Variants in TFB1M observed in about 807,000 individuals in gnomAD.
TFB1M encodes transcription factor B1, mitochondrial, also known as dimethyladenosine transferase 1, mitochondrial.
In TFB1M, 27 loss-of-function variants were observed where a neutral mutation model predicts 31.1. The observed-to-expected ratio is 0.87, with a 90% CI of 0.64 to 1.20. The LOEUF (loss-of-function observed/expected upper bound fraction) is 1.20, where lower values mean the gene tolerates loss of function less well. Ranked by LOEUF, TFB1M falls within the 50% of genes most tolerant of loss-of-function variation. TFB1M has a pLI of 0.00. For synonymous variants in TFB1M, 166 were observed against 151.8 expected (o/e 1.09, Z -0.69); for missense variants, 394 against 418.7 (o/e 0.94, Z 0.51).
chr6:155,240,213 T>A, the TFB1M span, among the ~76,000 whole-genome samples: 292 of 152,378 alleles, frequency 1.9e-3, 3 homozygotes, highest in African/African-American at 6.9e-3. Context: ...ATTTCAGAGC[T>A]ACCTCACCTT....
Position 155,257,244 on chromosome 6 carries a change from T to C in TFB1M, c.*592A>G, listed in dbSNP as rs1003349783. On this transcript the variant is annotated 3_prime_UTR_variant, in exon 7 of 7. Coordinates refer to ENST00000367166, the MANE Select transcript of TFB1M (RefSeq NM_016020.4). ...TTCCTGGGTTTTGTGCAGTATACAT[T>C]TTCCCACAAAATGGTTGTAAAGATT... 3 of 1,090,950 alleles carry C rather than the reference T, an allele frequency of 2.7e-6. No homozygotes were observed. 67.6% of individuals were successfully genotyped at this position (1,090,950 alleles called of 1,614,324 possible).
At chr6:155,279,971 G>T (rs74386168) in intron 5 of TFB1M, among the ~76,000 whole-genome samples, 1,857 of 151,476 alleles carry the variant, frequency 0.012, 34 homozygotes, top group Non-Finnish European at 0.015. Flanking sequence ...TTTTTATTTT[G>T]GACTCAAGGG....
chr6:155,294,197 CA>C (rs1300527547), intron 4 of TFB1M, among the ~76,000 whole-genome samples: 1 of 152,122 alleles, frequency 6.6e-6, no homozygotes, highest in Non-Finnish European at 1.5e-5. Flanking sequence ...ACACAGAGAT[CA>C]AACCCGAGTG....
chr6:155,260,371 G>C lies in TFB1M; in HGVS notation c.696C>G (p.Pro232=), dbSNP rs939950445. The C allele has an allele frequency of 1.9e-6, 3 of 1,614,100 alleles. No homozygotes were observed. The Admixed American group carries it at 5.0e-5, about 27-fold the overall frequency. The change falls in exon 6 of 7, where the codon CCC becomes CCG. Residue 232 remains proline (P), a synonymous_variant. Coordinates refer to ENST00000367166, the MANE Select transcript of TFB1M (RefSeq NM_016020.4). ...GCTGCTCTATCTTGGGCTGTATCAA[G>C]GGAGTGAAGTGCACCACGCCCACGT... The part of the protein sequence containing the change: ...EVDVGVVHFT[P]LIQPKIEQPF...
intron 4 of TFB1M, among the ~76,000 whole-genome samples, chr6:155,288,496 T>C (rs753456625): frequency 2.6e-5 from 4 of 152,250 alleles, no homozygotes; most frequent in Non-Finnish European, 5.9e-5. Context: ...TTAATCTTAC[T>C]ACTGGCAGAA....
At chr6:155,248,183 AGGC>A in the TFB1M span, 1 of 1,611,918 alleles carries the variant, frequency 6.2e-7, no homozygotes, top group Admixed American at 1.7e-5. Context: ...CTGACGGGTG[AGGC>A]GGCGGCGGCA....
Position 155,256,269 on chromosome 6 carries a change from A to G in TFB1M, c.*1567T>C, listed in dbSNP as rs1784016148. The G allele has an allele frequency of 3.1e-6, 2 of 648,568 alleles. No individual in the cohort carries two copies. The highest frequency in any genetic ancestry group is 5.2e-6 in the Non-Finnish European group (2 of 381,648). 40.2% of individuals were successfully genotyped at this position (648,568 alleles called of 1,614,324 possible). On this transcript the variant is annotated 3_prime_UTR_variant, in exon 7 of 7. Coordinates refer to ENST00000367166, the MANE Select transcript of TFB1M (RefSeq NM_016020.4). ...ATAATTGAGCTCTGGTAATCTAAAA[A>G]TGCTGAATTGCCTAACTTACAACTG...
chr6:155,284,626 ACT>A (rs1004445990), intron 5 of TFB1M, among the ~76,000 whole-genome samples: 2 of 152,160 alleles, frequency 1.3e-5, no homozygotes, highest in African/African-American at 4.8e-5. Context: ...TGGCAGAGAA[ACT>A]CTGTTTCTGT....
intron 2 of TFB1M, among the ~76,000 whole-genome samples, chr6:155,300,822 T>G (rs2114787859): frequency 6.6e-6 from 1 of 152,294 alleles, no homozygotes; most frequent in African/African-American, 2.4e-5. Flanking sequence ...GTTTGTTTTT[T>G]GAGATGGAGT....
intron 5 of TFB1M, among the ~76,000 whole-genome samples, chr6:155,280,987 T>A (rs899889866): frequency 1.3e-5 from 2 of 152,238 alleles, no homozygotes; most frequent in African/African-American, 4.8e-5. Flanking sequence ...ATGTGTACCA[T>A]GTTTGAAGGT....
At chr6:155,300,919 C>T (rs1220687669) in intron 2 of TFB1M, among the ~76,000 whole-genome samples, 2 of 152,088 alleles carry the variant, frequency 1.3e-5, no homozygotes, top group African/African-American at 4.8e-5. Context: ...ATTCTCTTGC[C>T]TCAGCTTCCC....
chr6:155,286,575 ATGTGTATATGTATATG>A (rs1485525035), intron 4 of TFB1M, among the ~76,000 whole-genome samples: 12 of 147,608 alleles, frequency 8.1e-5, no homozygotes, highest in Non-Finnish European at 1.0e-4. Flanking sequence ...ATATATATAC[ATGTGTATATGTATATG>A]TGTGTATATA....
the TFB1M span, among the ~76,000 whole-genome samples, chr6:155,238,875 G>A: frequency 1.3e-5 from 2 of 152,174 alleles, no homozygotes; most frequent in African/African-American, 2.4e-5. Context: ...GATGACCACT[G>A]AATTGAACTG....
chr6:155,314,209 C>T, intron 1 of TFB1M, 87 bp downstream of exon 1: 1 of 1,575,514 alleles, frequency 6.3e-7, no homozygotes, highest in Non-Finnish European at 8.6e-7. Flanking sequence ...TGCCTGGACA[C>T]CCGCCCGCGG....
intron 5 of TFB1M, among the ~76,000 whole-genome samples, chr6:155,279,802 C>A (rs1006224081): frequency 6.6e-5 from 10 of 152,066 alleles, no homozygotes; most frequent in Non-Finnish European, 1.0e-4. Context: ...GAATACTTAC[C>A]ATTTATTCTT....
the TFB1M span, among the ~76,000 whole-genome samples, chr6:155,234,591 G>A: frequency 5.4e-4 from 82 of 152,204 alleles, no homozygotes; most frequent in African/African-American, 1.9e-3. Context: ...CTTTTGTAGC[G>A]ATGGGTTTCC....
At chr6:155,274,871 G>C (rs1156624655) in intron 5 of TFB1M, among the ~76,000 whole-genome samples, 3 of 152,150 alleles carry the variant, frequency 2.0e-5, no homozygotes, top group African/African-American at 7.2e-5. Flanking sequence ...ATCTTTAAAA[G>C]GTGGCCTTAA....
intron 2 of TFB1M, among the ~76,000 whole-genome samples, chr6:155,307,781 C>T (rs965635348): frequency 1.6e-4 from 24 of 151,860 alleles, no homozygotes; most frequent in African/African-American, 4.1e-4. Flanking sequence ...AATACACTAA[C>T]GATAGCAGAT....
At chr6:155,312,259 CAA>C (rs1261056084) in intron 1 of TFB1M, among the ~76,000 whole-genome samples, 1 of 152,148 alleles carries the variant, frequency 6.6e-6, no homozygotes, top group Non-Finnish European at 1.5e-5. Context: ...CTCAGCCATC[CAA>C]AAATGGTTTA....
Sources: gnomAD v4.1 joint callset for allele counts (sites outside exome capture counted in the v4.1 genomes callset) on GRCh38, gnomAD v4.1.1 for gene constraint, MANE v1.5 for transcripts, NCBI Gene and HGNC (gene_info 2026-07-23, HGNC 2026-07-21) for gene names.